Variants in PDS5A observed in about 807,000 individuals in gnomAD.
PDS5A encodes the protein sister chromatid cohesion protein PDS5 homolog A.
Under a neutral mutation model 167.1 loss-of-function variants are expected in PDS5A, and 42 were observed. The ratio of observed to expected loss-of-function variants is 0.25; its 90% CI spans 0.20 to 0.33. The LOEUF is 0.33. Among genes scored for constraint, PDS5A ranks in the 10% least tolerant of loss-of-function variants. The pLI, the probability that PDS5A is intolerant of heterozygous loss-of-function variation, is 1.00. For synonymous variants in PDS5A, 553 were observed against 554.6 expected (o/e 1.00, Z 0.04); for missense variants, 1,033 against 1,605.9 (o/e 0.64, Z 6.10).
intron 2 of PDS5A, among the ~76,000 whole-genome samples, chr4:39,952,625 G>A (rs993641071): frequency 3.3e-5 from 5 of 151,910 alleles, no homozygotes; most frequent in South Asian, 2.1e-4. Context: ...AAGATAACGC[G>A]CTGAGAAGAT....
intron 5 of PDS5A, among the ~76,000 whole-genome samples, chr4:39,923,763 A>C (rs1440106438): frequency 1.3e-5 from 2 of 152,160 alleles, no homozygotes; most frequent in Admixed American, 1.3e-4. Flanking sequence ...AAAAGTATAC[A>C]ATAATAAAGG....
chr4:39,967,666 T>A (rs1730111740), intron 2 of PDS5A, among the ~76,000 whole-genome samples: 1 of 145,236 alleles, frequency 6.9e-6, no homozygotes. Context: ...ATAAATAAAA[T>A]AAAAATAAAA....
chr4:39,960,251 G>A (rs370711129), intron 2 of PDS5A, among the ~76,000 whole-genome samples: 2 of 152,058 alleles, frequency 1.3e-5, no homozygotes, highest in East Asian at 1.9e-4. Flanking sequence ...CCTGGGTGAC[G>A]GAGTGAGACT....
At chr4:39,841,025 G>A (rs950531490) in intron 31 of PDS5A, among the ~76,000 whole-genome samples, 1 of 134,284 alleles carries the variant, frequency 7.4e-6, no homozygotes, top group South Asian at 2.6e-4. Flanking sequence ...CAAAGTGCAC[G>A]ATTACAGGTG....
At chr4:39,945,305 C>CA (rs1316898068) in intron 2 of PDS5A, among the ~76,000 whole-genome samples, 1 of 151,430 alleles carries the variant, frequency 6.6e-6, no homozygotes, top group Admixed American at 6.6e-5. Context: ...ACTAAAAATA[C>CA]AAAAAATTAG....
At chr4:39,973,088 T>C (rs1342020261) in intron 2 of PDS5A, 19 of 731,980 alleles carry the variant, frequency 2.6e-5, no homozygotes, top group Non-Finnish European at 3.9e-5. Flanking sequence ...TATTTTTCTT[T>C]GGTGAAGCAC....
intron 2 of PDS5A, among the ~76,000 whole-genome samples, chr4:39,937,536 C>T (rs1486881774): frequency 1.3e-5 from 2 of 152,126 alleles, no homozygotes; most frequent in Admixed American, 1.3e-4. Context: ...GCCTCGGTCT[C>T]CTGAGTAGCT....
intron 17 of PDS5A, among the ~76,000 whole-genome samples, chr4:39,882,536 AGTGT>A (rs977963274): frequency 6.6e-6 from 1 of 152,220 alleles, no homozygotes; most frequent in Admixed American, 6.5e-5. Context: ...CAAAATTACA[AGTGT>A]GTTTCAAAAA....
intron 17 of PDS5A, among the ~76,000 whole-genome samples, chr4:39,883,730 G>T (rs1721163712): frequency 6.6e-6 from 1 of 151,816 alleles, no homozygotes; most frequent in South Asian, 2.1e-4. Context: ...CTGCTTCCTG[G>T]GCTCATTCTT....
At chr4:39,974,701 G>A (rs1245793277) in intron 2 of PDS5A, among the ~76,000 whole-genome samples, 1 of 151,918 alleles carries the variant, frequency 6.6e-6, no homozygotes, top group Non-Finnish European at 1.5e-5. Context: ...GCGCCACCAC[G>A]CCCAGCTAAT....
At chr4:39,911,835 T>TAA (rs35068853) in intron 9 of PDS5A, among the ~76,000 whole-genome samples, 4 of 125,268 alleles carry the variant, frequency 3.2e-5, no homozygotes, top group African/African-American at 6.1e-5. Context: ...CCGTCTCAAT[T>TAA]AAAAAAAAAA....
chr4:39,871,505 T>C (rs555473594), intron 21 of PDS5A, among the ~76,000 whole-genome samples: 113 of 152,280 alleles, frequency 7.4e-4, no homozygotes, highest in African/African-American at 2.6e-3. Flanking sequence ...GAAGGGGCAC[T>C]AGCAGGTGTC....
chr4:39,865,593 T>C (rs1469906321), intron 23 of PDS5A, among the ~76,000 whole-genome samples: 1 of 152,244 alleles, frequency 6.6e-6, no homozygotes, highest in African/African-American at 2.4e-5. Context: ...TGGCGTGATC[T>C]TGGCACACTG....
chr4:39,942,775 C>T (rs976439652), intron 2 of PDS5A, among the ~76,000 whole-genome samples: 7 of 152,088 alleles, frequency 4.6e-5, no homozygotes, highest in African/African-American at 1.7e-4. Context: ...AAACACTGTA[C>T]CAATTATGAA....
Position 39,833,212 on chromosome 4 carries a change from A to AAAAAG in PDS5A, c.4010+4639_4010+4643dup, listed in dbSNP as rs1560410878. 8.1e-5 allele frequency among the ~76,000 whole-genome samples: 12 copies of AAAAAG among 147,666 alleles called. No homozygotes were observed. In the South Asian group the frequency reaches 2.6e-3, roughly 32 times the overall value. ...GTCTCAAAAAAAAAAAAAAAAAAAA[A>AAAAAG]AAAAGAAAAAAGTTTGAAGAGAGTC... On this transcript the variant is annotated intron_variant, in intron 32 of 32. Coordinates refer to ENST00000303538, the MANE Select transcript of PDS5A (RefSeq NM_001100399.2).
chr4:39,975,339 G>A (rs1210957490), intron 2 of PDS5A, among the ~76,000 whole-genome samples: 1 of 152,064 alleles, frequency 6.6e-6, no homozygotes, highest in Non-Finnish European at 1.5e-5. Context: ...TAAACCACAG[G>A]AATATTTTAA....
intron 16 of PDS5A, 25 bp from the exon 17 acceptor site, chr4:39,890,389 A>G: frequency 8.2e-7 from 1 of 1,226,582 alleles, no homozygotes; most frequent in Non-Finnish European, 1.2e-6. Flanking sequence ...GAGTTTTACC[A>G]AAAACGTGAT....
chr4:39,972,287 C>T (rs1024089740), intron 2 of PDS5A, among the ~76,000 whole-genome samples: 1 of 152,036 alleles, frequency 6.6e-6, no homozygotes, highest in African/African-American at 2.4e-5. Context: ...TTTGGGAGGC[C>T]GAGGTGGGCG....
At chr4:39,903,767 G>A (rs1169194470) in intron 12 of PDS5A, among the ~76,000 whole-genome samples, 1 of 152,160 alleles carries the variant, frequency 6.6e-6, no homozygotes, top group Non-Finnish European at 1.5e-5. Flanking sequence ...AAAGGGCAGA[G>A]TGAACATTTG....
Sources: gnomAD v4.1 joint callset for allele counts (sites outside exome capture counted in the v4.1 genomes callset) on GRCh38, gnomAD v4.1.1 for gene constraint, MANE v1.5 for transcripts, NCBI Gene and HGNC (gene_info 2026-07-23, HGNC 2026-07-21) for gene names.